COL5A2: variants seen among roughly 807,000 people sequenced by gnomAD.
COL5A2 encodes the protein collagen alpha-2(V) chain.
COL5A2 carries 23 observed loss-of-function variants against 208.2 expected under a neutral mutation model. The observed-to-expected ratio is 0.11, with a 90% CI of 0.08 to 0.16. COL5A2 has a LOEUF of 0.16. Ranked by LOEUF, COL5A2 falls within the 10% of genes least tolerant of loss-of-function variation. The pLI, the probability that COL5A2 is intolerant of heterozygous loss-of-function variation, is 1.00. For synonymous variants in COL5A2, 625 were observed against 628.5 expected (o/e 0.99, Z 0.08); for missense variants, 1,590 against 1,956.4 (o/e 0.81, Z 3.53).
the COL5A2 span, among the ~76,000 whole-genome samples, chr2:189,240,294 G>A: frequency 6.6e-6 from 1 of 152,082 alleles, no homozygotes; most frequent in Non-Finnish European, 1.5e-5. Context: ...TTCTTAGCAA[G>A]GGCCCTCTTC....
chr2:189,176,410 T>A (rs1688679301), intron 1 of COL5A2, among the ~76,000 whole-genome samples: 1 of 152,314 alleles, frequency 6.6e-6, no homozygotes, highest in East Asian at 1.9e-4. Context: ...CTTGTTTATA[T>A]TACCTGCCTG....
At chr2:189,150,632 A>T (rs182221026) in intron 1 of COL5A2, among the ~76,000 whole-genome samples, 4 of 152,250 alleles carry the variant, frequency 2.6e-5, no homozygotes, top group Admixed American at 2.6e-4. Flanking sequence ...ACTCCCATTT[A>T]AAAAACCGTG....
the COL5A2 span, among the ~76,000 whole-genome samples, chr2:189,353,845 G>A: frequency 6.6e-6 from 1 of 152,180 alleles, no homozygotes; most frequent in African/African-American, 2.4e-5. Context: ...AGTGGTGAGA[G>A]AGGGCAACCT....
At chr2:189,321,101 T>A in the COL5A2 span, among the ~76,000 whole-genome samples, 1 of 152,070 alleles carries the variant, frequency 6.6e-6, no homozygotes, top group African/African-American at 2.4e-5. Context: ...AAATCCTTTA[T>A]AGACAAGCAA....
At chr2:189,196,064 A>G (rs1017331576) in intron 1 of COL5A2, among the ~76,000 whole-genome samples, 1 of 152,210 alleles carries the variant, frequency 6.6e-6, no homozygotes, top group African/African-American at 2.4e-5. Context: ...CCATCTGACA[A>G]ATGTCTAATA....
rs113456850 is a variant in COL5A2, at chr2:189,102,712, A to G, written c.336+1552T>C. ...CATCTATACCATTTGCCTCATAGCC[A>G]TATAAAAAAGGTTCAGTAATTATGT... is the stretch of plus-strand genomic sequence containing the variant. On this transcript the variant is annotated intron_variant, in intron 3 of 53. Coordinates refer to ENST00000374866, the MANE Select transcript of COL5A2 (RefSeq NM_000393.5). Among the ~76,000 whole-genome samples, 95 of 152,218 alleles carry G rather than the reference A, an allele frequency of 6.2e-4. 2 individuals carry two copies. The highest frequency in any genetic ancestry group is 2.0e-3 in the African/African-American group (84 of 41,554).
upstream of COL5A2, among the ~76,000 whole-genome samples, chr2:189,225,433 GT>G (rs1164101939): frequency 6.6e-6 from 1 of 152,134 alleles, no homozygotes; most frequent in East Asian, 1.9e-4. Context: ...ATAGTGTTTA[GT>G]ATTATCTTAA....
chr2:189,326,397 A>G, the COL5A2 span, among the ~76,000 whole-genome samples: 1 of 152,140 alleles, frequency 6.6e-6, no homozygotes, highest in Admixed American at 6.5e-5. Context: ...AGATATTTAG[A>G]CAAGAAGGTT....
chr2:189,218,511 AT>A (rs1311768227), intron 1 of COL5A2, among the ~76,000 whole-genome samples: 1 of 152,188 alleles, frequency 6.6e-6, no homozygotes, highest in Non-Finnish European at 1.5e-5. Flanking sequence ...CAACACCTTG[AT>A]ATCAAATTTC....
the COL5A2 span, among the ~76,000 whole-genome samples, chr2:189,379,382 T>A: frequency 1.3e-5 from 2 of 152,216 alleles, no homozygotes; most frequent in Non-Finnish European, 2.9e-5. Flanking sequence ...ACTTAACTGC[T>A]GAGACAATGT....
At chr2:189,326,233 T>C in the COL5A2 span, among the ~76,000 whole-genome samples, 2 of 152,168 alleles carry the variant, frequency 1.3e-5, no homozygotes, top group South Asian at 2.1e-4. Context: ...CAGTTTATTA[T>C]AATGATGATG....
At position 189,084,976 on chromosome 2, in the gene COL5A2, G is replaced by A. The variant is rs57484527; in HGVS notation, c.798+184C>T. Among the ~76,000 whole-genome samples the A allele has an allele frequency of 9.4e-3, 1,426 of 152,230 alleles. 20 individuals carry two copies. Among genetic ancestry groups the A allele is most frequent in the African/African-American group, 0.032 (1,343 of 41,526 alleles). ...GTAGTACCTAATAACATAATACTAC[G>A]CAAATTAAGAGCCCTTTTAGATATT... On this transcript the variant is annotated intron_variant, in intron 11 of 53. Coordinates refer to ENST00000374866, the MANE Select transcript of COL5A2 (RefSeq NM_000393.5).
chr2:189,071,045 T>G (rs1484873763), intron 18 of COL5A2, among the ~76,000 whole-genome samples: 1 of 152,204 alleles, frequency 6.6e-6, no homozygotes, highest in Non-Finnish European at 1.5e-5. Flanking sequence ...GCTACAGACA[T>G]TTTTCTTCTG....
At chr2:189,410,978 G>T in the COL5A2 span, among the ~76,000 whole-genome samples, 1 of 151,740 alleles carries the variant, frequency 6.6e-6, no homozygotes, top group Non-Finnish European at 1.5e-5. Flanking sequence ...ACTAAATCTG[G>T]CCTCATCCTT....
chr2:189,375,977 G>T, the COL5A2 span, among the ~76,000 whole-genome samples: 12 of 152,014 alleles, frequency 7.9e-5, no homozygotes, highest in Admixed American at 3.9e-4. Context: ...AGATCTTTTT[G>T]CCCTTTTCTG....
chr2:189,085,052 T>A (rs1321234049), intron 11 of COL5A2, 108 bp downstream of exon 11: 1 of 903,556 alleles, frequency 1.1e-6, no homozygotes. Flanking sequence ...TAATGCAAGC[T>A]AAAAGGGTGG....
intron 1 of COL5A2, among the ~76,000 whole-genome samples, chr2:189,116,058 G>A (rs1291252641): frequency 1.3e-5 from 2 of 152,156 alleles, no homozygotes. Context: ...CAACCCTTCA[G>A]CCTTCCTGAC....
chr2:189,038,728 C>T (rs532400362), intron 51 of COL5A2, among the ~76,000 whole-genome samples: 9 of 152,206 alleles, frequency 5.9e-5, no homozygotes, highest in East Asian at 1.9e-4. Context: ...GACACAGTCT[C>T]GCTCTGTCGC....
intron 1 of COL5A2, among the ~76,000 whole-genome samples, chr2:189,199,713 C>T (rs1689047814): frequency 6.6e-6 from 1 of 152,170 alleles, no homozygotes; most frequent in South Asian, 2.1e-4. Flanking sequence ...TTATAAAAGC[C>T]TGTACAATTC....
Sources: allele counts gnomAD v4.1 joint callset (sites outside exome capture counted in the v4.1 genomes callset), GRCh38; gene constraint gnomAD v4.1.1; transcripts MANE v1.5; gene names NCBI Gene and HGNC (gene_info 2026-07-23, HGNC 2026-07-21).